The following CELF2 variants were observed in gnomAD, a reference collection of about 807,000 sequenced individuals.
CELF2 encodes CUGBP Elav-like family member 2, also known as CUG triplet repeat RNA-binding protein 2.
Under a neutral mutation model 62.6 loss-of-function variants are expected in CELF2, and 8 were observed. The ratio of observed to expected loss-of-function variants is 0.13; its 90% CI spans 0.07 to 0.23. CELF2 has a LOEUF of 0.23. CELF2 is among the 10% of genes least tolerant of loss of function. The pLI is 1.00. For missense variants in CELF2, 333 were observed against 671.0 expected (o/e 0.50, Z 5.56); for synonymous variants, 258 against 250.0 (o/e 1.03, Z -0.30).
At chr10:10,806,171 C>G (rs963784552) in intron 1 of CELF2, among the ~76,000 whole-genome samples, 3 of 150,122 alleles carry the variant, frequency 2.0e-5, no homozygotes, top group African/African-American at 7.4e-5. Flanking sequence ...TTTCCTGGAG[C>G]AGAGCATGGG....
intron 1 of CELF2, among the ~76,000 whole-genome samples, chr10:11,083,118 T>G (rs556365791): frequency 1.9e-3 from 282 of 152,326 alleles, no homozygotes; most frequent in African/African-American, 6.2e-3. Flanking sequence ...GATTGTTATC[T>G]TATCCTGATT....
chr10:11,044,355 A>G (rs1374576458), intron 1 of CELF2, among the ~76,000 whole-genome samples: 1 of 152,192 alleles, frequency 6.6e-6, no homozygotes, highest in Admixed American at 6.5e-5. Flanking sequence ...AAGTCAGTAA[A>G]TTACTGTTAA....
chr10:10,765,103 T>C, the CELF2 span, among the ~76,000 whole-genome samples: 2 of 152,204 alleles, frequency 1.3e-5, no homozygotes, highest in South Asian at 2.1e-4. Flanking sequence ...TGGGGGCTGA[T>C]GTCCAAGGAT....
At chr10:10,580,333 A>C in the CELF2 span, among the ~76,000 whole-genome samples, 1 of 152,168 alleles carries the variant, frequency 6.6e-6, no homozygotes, top group South Asian at 2.1e-4. Flanking sequence ...AAACTTTGCT[A>C]TTAATCTCTT....
chr10:10,831,257 C>T (rs1354691464), intron 1 of CELF2, among the ~76,000 whole-genome samples: 1 of 152,206 alleles, frequency 6.6e-6, no homozygotes, highest in Non-Finnish European at 1.5e-5. Flanking sequence ...TTCTGAGACA[C>T]TTGAAGGTGA....
the CELF2 span, among the ~76,000 whole-genome samples, chr10:10,779,931 G>A: frequency 6.6e-6 from 1 of 152,098 alleles, no homozygotes; most frequent in African/African-American, 2.4e-5. Flanking sequence ...CAGATCAGTG[G>A]ATGGATCACT....
chr10:10,755,045 A>G, the CELF2 span, among the ~76,000 whole-genome samples: 1 of 152,264 alleles, frequency 6.6e-6, no homozygotes. Context: ...TGATAACTTT[A>G]AATATACACC....
chr10:11,051,856 CTT>C (rs888784355), intron 1 of CELF2, among the ~76,000 whole-genome samples: 2 of 151,028 alleles, frequency 1.3e-5, no homozygotes, highest in African/African-American at 4.9e-5. Flanking sequence ...GCTTCCTAGA[CTT>C]TGGCAGGTTT....
intron 1 of CELF2, among the ~76,000 whole-genome samples, chr10:11,120,786 G>C (rs1339050788): frequency 6.6e-6 from 1 of 152,108 alleles, no homozygotes; most frequent in Admixed American, 6.6e-5. Context: ...TGATTTCATA[G>C]ATTACTACCT....
At chr10:11,005,282 G>A, upstream of CELF2, 1 of 1,596,188 alleles carries the variant, frequency 6.3e-7, no homozygotes, top group African/African-American at 1.3e-5. The surrounding 1 kb of genome is among the most constrained non-coding windows in gnomAD (Gnocchi z 4.3). Flanking sequence ...GAGAGAGAGA[G>A]AGAGAGAGAG....
chr10:10,488,907 G>C, the CELF2 span, among the ~76,000 whole-genome samples: 2 of 152,056 alleles, frequency 1.3e-5, no homozygotes, highest in African/African-American at 4.8e-5. Context: ...ATCCCCAACA[G>C]AGACACAAAG....
At chr10:10,532,319 A>AT in the CELF2 span, among the ~76,000 whole-genome samples, 319 of 152,372 alleles carry the variant, frequency 2.1e-3, 3 homozygotes, top group Non-Finnish European at 3.3e-3. Context: ...ATCAGCAGAG[A>AT]TTCAGATGCT....
the CELF2 span, among the ~76,000 whole-genome samples, chr10:10,480,361 A>G: frequency 6.6e-6 from 1 of 152,142 alleles, no homozygotes; most frequent in Non-Finnish European, 1.5e-5. Flanking sequence ...TTTGAGAGTC[A>G]GCTCCCCTTA....
intron 1 of CELF2, among the ~76,000 whole-genome samples, chr10:11,037,596 C>A (rs537504274): frequency 6.6e-6 from 1 of 152,282 alleles, no homozygotes; most frequent in Admixed American, 6.5e-5. Context: ...TCAAGCTGGC[C>A]ACAGCCCCAT....
chr10:10,635,065 T>C, the CELF2 span, among the ~76,000 whole-genome samples: 2 of 152,118 alleles, frequency 1.3e-5, no homozygotes, highest in African/African-American at 4.8e-5. Flanking sequence ...CCACAAGTGC[T>C]ATGCATCACC....
At chr10:10,792,033 A>C in the CELF2 span, among the ~76,000 whole-genome samples, 2 of 141,662 alleles carry the variant, frequency 1.4e-5, no homozygotes, top group African/African-American at 2.6e-5. Flanking sequence ...GGAGGAAGGA[A>C]GGAGGGAGAG....
At chr10:10,951,650 C>G (rs766798562) in intron 2 of CELF2, 3 of 152,192 alleles carry the variant, frequency 2.0e-5, no homozygotes, top group Admixed American at 1.3e-4. Context: ...CTTTCCACTT[C>G]GCCTAGTGTC....
the CELF2 span, among the ~76,000 whole-genome samples, chr10:10,493,459 A>G: frequency 6.6e-6 from 1 of 152,004 alleles, no homozygotes; most frequent in Non-Finnish European, 1.5e-5. Context: ...CCAAAAAAAA[A>G]TAAGTTTCAC....
intron 1 of CELF2, among the ~76,000 whole-genome samples, chr10:11,161,574 G>T (rs1402853002): frequency 6.6e-6 from 1 of 152,254 alleles, no homozygotes; most frequent in African/African-American, 2.4e-5. Context: ...AACAGATAAT[G>T]ATTCCAGCGG....
Sources: gnomAD v4.1 joint callset for allele counts (sites outside exome capture counted in the v4.1 genomes callset) on GRCh38, gnomAD v4.1.1 for gene constraint, Gnocchi (gnomAD v3.1) non-coding constraint, MANE v1.5 for transcripts, NCBI Gene and HGNC (gene_info 2026-07-23, HGNC 2026-07-21) for gene names.